Variants in POU6F2 observed in about 807,000 individuals in gnomAD.
POU6F2 encodes the protein POU domain, class 6, transcription factor 2.
POU6F2 carries 31 observed loss-of-function variants against 71.3 expected under a neutral mutation model. The ratio of observed to expected loss-of-function variants is 0.43; its 90% CI spans 0.33 to 0.59. POU6F2 has a LOEUF of 0.59. POU6F2 is among the 20% of genes least tolerant of loss of function. The pLI, the probability that POU6F2 is intolerant of heterozygous loss-of-function variation, is 0.04. For synonymous variants in POU6F2, 347 were observed against 355.7 expected (o/e 0.98, Z 0.27); for missense variants, 783 against 856.8 (o/e 0.91, Z 1.07).
At chr7:39,247,179 TA>T (rs1783836508) in intron 4 of POU6F2, among the ~76,000 whole-genome samples, 1 of 152,024 alleles carries the variant, frequency 6.6e-6, no homozygotes, top group Non-Finnish European at 1.5e-5. Flanking sequence ...TACAGATAAA[TA>T]AATGGAGGCC....
rs369846073 is a variant in POU6F2 at position 39,148,398 on chromosome 7, C to T, written c.278-55837C>T. 4.6e-5 allele frequency among the ~76,000 whole-genome samples: 7 copies of T among 152,284 alleles called. No individual in the cohort carries two copies. In the East Asian group the frequency reaches 7.7e-4, roughly 17 times the overall value. On this transcript the variant is annotated intron_variant, in intron 2 of 9. Coordinates refer to ENST00000518318, the MANE Select transcript of POU6F2 (RefSeq NM_001370959.1). ...CACATTTTTCTTCTGAGTTTTGATACGATAATTTCTAGTTATCTCTGGCAT... is the reference window on the plus strand; with the variant it reads ...CACATTTTTCTTCTGAGTTTTGATATGATAATTTCTAGTTATCTCTGGCAT...
chr7:39,460,151 T>A lies in POU6F2; in HGVS notation c.1490-396T>A, dbSNP rs1246368168. The stretch of plus-strand genomic sequence containing the variant: ...GCACTAAATATGCTAATTAAAACAT[T>A]TCAAATGGAAACCTTTCCCTTTTTA... On this transcript the variant is annotated intron_variant, in intron 8 of 9. Transcript: ENST00000518318. The surrounding 1 kb of genome is among the most constrained non-coding windows in gnomAD (Gnocchi z 4.4). Among the ~76,000 whole-genome samples, 1 of 152,206 alleles carries A rather than the reference T, an allele frequency of 6.6e-6. No individual in the cohort carries two copies. The highest frequency in any genetic ancestry group is 1.5e-5 in the Non-Finnish European group (1 of 68,036).
rs77705139 is a variant in POU6F2 at position 39,464,035 on chromosome 7, C to T, written c.1659-147C>T. The T allele has an allele frequency of 6.2e-3, 6,301 of 1,015,930 alleles. 180 individuals carry two copies. The East Asian group carries it at 0.073, about 12-fold the overall frequency. The allele number at this position is 1,015,930 out of a possible 1,614,324, so 62.9% of individuals were successfully genotyped here. ...GCATGGAGCACGCTGGGAGGGTGGG[C>T]GCTGGCTTGGGCAGGGCTGGCTACC... is the stretch of plus-strand genomic sequence containing the variant. On this transcript the variant is annotated intron_variant, in intron 9 of 9. Transcript: ENST00000518318. This position sits in a 1 kb window ranked among gnomAD's most constrained non-coding sequence, Gnocchi z 4.1.
chr7:39,006,365 G>T (rs1789070625), intron 1 of POU6F2, among the ~76,000 whole-genome samples: 1 of 152,170 alleles, frequency 6.6e-6, no homozygotes, highest in Non-Finnish European at 1.5e-5. Context: ...TCAGGAGGGT[G>T]AGGCAGGAGA....
intron 4 of POU6F2, among the ~76,000 whole-genome samples, chr7:39,296,129 G>C (rs1251626061): frequency 6.6e-6 from 1 of 152,204 alleles, no homozygotes; most frequent in East Asian, 1.9e-4. Flanking sequence ...AATAATTTCA[G>C]AGTGGAGCCC....
At chr7:39,345,448 A>G (rs1229165847) in intron 5 of POU6F2, among the ~76,000 whole-genome samples, 1 of 152,226 alleles carries the variant, frequency 6.6e-6, no homozygotes, top group Non-Finnish European at 1.5e-5. Context: ...CAGTAGAAAA[A>G]CAAATGCATG....
intron 2 of POU6F2, among the ~76,000 whole-genome samples, chr7:39,137,016 A>G (rs2128730968): frequency 6.7e-6 from 1 of 149,918 alleles, no homozygotes; most frequent in East Asian, 1.9e-4. Flanking sequence ...CCCTGTCAAA[A>G]AAAAAAAAAA....
chr7:39,026,934 C>T (rs1381829508), intron 1 of POU6F2, among the ~76,000 whole-genome samples: 1 of 152,022 alleles, frequency 6.6e-6, no homozygotes, highest in African/African-American at 2.4e-5. Context: ...TGCCAAACTA[C>T]ATAACAGAAG....
At chr7:39,153,859 G>A (rs1331721369) in intron 2 of POU6F2, among the ~76,000 whole-genome samples, 1 of 152,082 alleles carries the variant, frequency 6.6e-6, no homozygotes. Flanking sequence ...AAAACAGCCG[G>A]GTTGCTGGGA....
intron 5 of POU6F2, among the ~76,000 whole-genome samples, chr7:39,349,117 C>T (rs1209000622): frequency 1.3e-5 from 2 of 151,998 alleles, no homozygotes; most frequent in African/African-American, 4.8e-5. Context: ...TAGGCTGGGC[C>T]GTGGAGAAAA....
At chr7:38,986,064 A>G (rs905261950) in intron 1 of POU6F2, among the ~76,000 whole-genome samples, 5 of 152,186 alleles carry the variant, frequency 3.3e-5, no homozygotes, top group African/African-American at 1.2e-4. Flanking sequence ...GCACACTCAC[A>G]GACATACTTT....
intron 2 of POU6F2, among the ~76,000 whole-genome samples, chr7:39,088,591 AC>A (rs1454757658): frequency 6.6e-6 from 1 of 152,168 alleles, no homozygotes; most frequent in Non-Finnish European, 1.5e-5. Context: ...TTTCTAACAT[AC>A]TTTCTTTCTC....
chr7:39,099,517 A>C (rs1791525795), intron 2 of POU6F2, among the ~76,000 whole-genome samples: 1 of 152,188 alleles, frequency 6.6e-6, no homozygotes, highest in South Asian at 2.1e-4. Flanking sequence ...TGCTTTTGTG[A>C]CCTAATCAGG....
At chr7:39,207,119 T>A (rs1030117152) in intron 3 of POU6F2, among the ~76,000 whole-genome samples, 1 of 152,210 alleles carries the variant, frequency 6.6e-6, no homozygotes, top group Non-Finnish European at 1.5e-5. Flanking sequence ...GGAAACTCAA[T>A]GGAAGAGTAG....
At chr7:39,381,153 G>A (rs867148811) in intron 5 of POU6F2, among the ~76,000 whole-genome samples, 5 of 152,022 alleles carry the variant, frequency 3.3e-5, no homozygotes, top group Admixed American at 6.5e-5. Context: ...CCTCTGCCCC[G>A]CCCCGGGTTC....
intron 4 of POU6F2, among the ~76,000 whole-genome samples, chr7:39,277,556 A>C (rs1186892624): frequency 6.6e-6 from 1 of 152,234 alleles, no homozygotes; most frequent in African/African-American, 2.4e-5. Context: ...TCCAAGCACC[A>C]GTGCCTTGAT....
At chr7:39,380,783 G>A (rs911220556) in intron 5 of POU6F2, among the ~76,000 whole-genome samples, 2 of 152,160 alleles carry the variant, frequency 1.3e-5, no homozygotes, top group Non-Finnish European at 2.9e-5. Context: ...TCTCTTCACA[G>A]TGATATTTAG....
chr7:39,229,316 T>A (rs1015885041), intron 4 of POU6F2, among the ~76,000 whole-genome samples: 5 of 152,212 alleles, frequency 3.3e-5, no homozygotes, highest in African/African-American at 4.8e-5. Flanking sequence ...CAGGCAAAAT[T>A]GTGGTTTGTT....
chr7:39,100,353 C>A (rs1791543505), intron 2 of POU6F2, among the ~76,000 whole-genome samples: 1 of 152,190 alleles, frequency 6.6e-6, no homozygotes, highest in Non-Finnish European at 1.5e-5. Flanking sequence ...CATGTTATAA[C>A]CTTTGTTGGG....
Sources: allele counts gnomAD v4.1 joint callset (sites outside exome capture counted in the v4.1 genomes callset), GRCh38; gene constraint gnomAD v4.1.1; non-coding constraint Gnocchi (gnomAD v3.1); transcripts MANE v1.5; gene names NCBI Gene and HGNC (gene_info 2026-07-23, HGNC 2026-07-21).